Variants in CSMD3 observed in about 807,000 individuals in gnomAD.
CSMD3 encodes the protein CUB and Sushi multiple domains 3.
Under a neutral mutation model 435.2 loss-of-function variants are expected in CSMD3, and 177 were observed. The observed-to-expected ratio is 0.41, with a 90% CI of 0.36 to 0.46. The LOEUF is 0.46. Ranked by LOEUF, CSMD3 falls within the 20% of genes least tolerant of loss-of-function variation. The pLI, the probability that CSMD3 is intolerant of heterozygous loss-of-function variation, is 0.34. For missense variants in CSMD3, 4,265 were observed against 4,504.6 expected (o/e 0.95, Z 1.52); for synonymous variants, 1,656 against 1,520.5 (o/e 1.09, Z -2.07).
At chr8:112,557,915 C>T (rs543112230) in intron 24 of CSMD3, among the ~76,000 whole-genome samples, 16 of 152,008 alleles carry the variant, frequency 1.1e-4, no homozygotes, top group Middle Eastern at 3.4e-3. Flanking sequence ...TACAAGAGGC[C>T]TAGATTTTCA....
chr8:112,929,809 A>C (rs2083047478), intron 9 of CSMD3, among the ~76,000 whole-genome samples: 2 of 152,232 alleles, frequency 1.3e-5, no homozygotes, highest in South Asian at 4.1e-4. Context: ...TACAATATAC[A>C]TACACTTAAG....
intron 5 of CSMD3, among the ~76,000 whole-genome samples, chr8:113,045,723 T>A (rs1244779023): frequency 6.7e-6 from 1 of 149,510 alleles, no homozygotes; most frequent in Non-Finnish European, 1.5e-5. Context: ...TGTAACTATT[T>A]CCATGTTTCT....
intron 6 of CSMD3, among the ~76,000 whole-genome samples, chr8:113,010,215 G>A (rs2086206304): frequency 6.6e-6 from 1 of 151,672 alleles, no homozygotes; most frequent in Admixed American, 6.6e-5. Flanking sequence ...GAAGCCTCTA[G>A]TGAAACTATC....
At chr8:112,510,437 A>G (rs1403060085) in intron 28 of CSMD3, among the ~76,000 whole-genome samples, 1 of 152,088 alleles carries the variant, frequency 6.6e-6, no homozygotes, top group Admixed American at 6.6e-5. Flanking sequence ...GACTTTACTC[A>G]TTTTGTTTCT....
At chr8:112,506,076 T>A (rs1016879881) in intron 29 of CSMD3, among the ~76,000 whole-genome samples, 1 of 152,126 alleles carries the variant, frequency 6.6e-6, no homozygotes, top group East Asian at 1.9e-4. Context: ...TACAACAGGA[T>A]CCTGGCATAA....
chr8:113,409,577 T>G (rs1272598635), intron 1 of CSMD3, among the ~76,000 whole-genome samples: 1 of 152,210 alleles, frequency 6.6e-6, no homozygotes, highest in Non-Finnish European at 1.5e-5. Flanking sequence ...AATAGATTTA[T>G]TTTAATCAAG....
chr8:112,696,920 T>C (rs1409186244), intron 13 of CSMD3, among the ~76,000 whole-genome samples: 2 of 152,048 alleles, frequency 1.3e-5, no homozygotes, highest in African/African-American at 4.8e-5. Context: ...GCAAAGGATA[T>C]GAACAGACAC....
intron 4 of CSMD3, among the ~76,000 whole-genome samples, chr8:113,122,831 T>C (rs2091022713): frequency 6.6e-6 from 1 of 152,074 alleles, no homozygotes; most frequent in Non-Finnish European, 1.5e-5. Context: ...GTATTTGTGG[T>C]AATTTGTTAC....
chr8:112,623,563 G>A (rs974809177), intron 22 of CSMD3, among the ~76,000 whole-genome samples: 3 of 151,772 alleles, frequency 2.0e-5, no homozygotes, highest in African/African-American at 7.3e-5. Context: ...TGTGCACATT[G>A]TGCAGGTTAG....
At chr8:112,849,106 A>T (rs1423757844) in intron 11 of CSMD3, among the ~76,000 whole-genome samples, 1 of 152,140 alleles carries the variant, frequency 6.6e-6, no homozygotes, top group East Asian at 1.9e-4. Flanking sequence ...TTCTTCCGAC[A>T]ATTAAGACTT....
At chr8:112,448,377 C>A (rs1385115330) in intron 32 of CSMD3, among the ~76,000 whole-genome samples, 1 of 152,122 alleles carries the variant, frequency 6.6e-6, no homozygotes, top group African/African-American at 2.4e-5. Flanking sequence ...ACACAATTCC[C>A]ACTCATAGCA....
At chr8:113,332,327 T>C (rs2094034462) in intron 1 of CSMD3, among the ~76,000 whole-genome samples, 1 of 146,324 alleles carries the variant, frequency 6.8e-6, no homozygotes, top group African/African-American at 2.5e-5. Flanking sequence ...AAAAAAGATA[T>C]CTTCAAAGCA....
intron 5 of CSMD3, among the ~76,000 whole-genome samples, chr8:113,052,253 T>C (rs1443248981): frequency 6.6e-6 from 1 of 152,182 alleles, no homozygotes; most frequent in Non-Finnish European, 1.5e-5. Context: ...AGTGTGAAAA[T>C]ATTTTAGCTG....
intron 10 of CSMD3, among the ~76,000 whole-genome samples, chr8:112,895,466 C>A (rs1263494085): frequency 6.6e-6 from 1 of 151,000 alleles, no homozygotes; most frequent in Non-Finnish European, 1.5e-5. Context: ...CTAGGAAAAA[C>A]AAGAAAAATG....
chr8:113,280,873 C>T (rs1202745597), intron 2 of CSMD3, among the ~76,000 whole-genome samples: 2 of 151,730 alleles, frequency 1.3e-5, no homozygotes, highest in Non-Finnish European at 3.0e-5. Flanking sequence ...TCATTCAGTT[C>T]GAAGAATTTG....
intron 12 of CSMD3, among the ~76,000 whole-genome samples, chr8:112,801,212 G>A (rs2078953297): frequency 6.6e-6 from 1 of 151,966 alleles, no homozygotes. Flanking sequence ...AAAGTATAAA[G>A]TTTCCTTTCA....
At chr8:113,425,627 G>A (rs1352638575) in intron 1 of CSMD3, among the ~76,000 whole-genome samples, 1 of 151,356 alleles carries the variant, frequency 6.6e-6, no homozygotes, top group East Asian at 1.9e-4. Context: ...AGGTTTTCTA[G>A]CACTTTTCTA....
intron 40 of CSMD3, among the ~76,000 whole-genome samples, chr8:112,348,369 A>T (rs1292556614): frequency 1.3e-5 from 2 of 151,974 alleles, no homozygotes; most frequent in Admixed American, 1.3e-4. Flanking sequence ...TCTCACATAA[A>T]TTTTCCTTCT....
intron 9 of CSMD3, among the ~76,000 whole-genome samples, chr8:112,946,261 G>A (rs1057239723): frequency 1.3e-5 from 2 of 151,724 alleles, no homozygotes; most frequent in East Asian, 1.9e-4. Flanking sequence ...CGAGGCATAA[G>A]TTATCTCATG....
Sources: allele counts gnomAD v4.1 joint callset (sites outside exome capture counted in the v4.1 genomes callset), GRCh38; gene constraint gnomAD v4.1.1; transcripts MANE v1.5; gene names NCBI Gene and HGNC (gene_info 2026-07-23, HGNC 2026-07-21).